Variants in ARL15 observed in about 807,000 individuals in gnomAD.
ARL15 encodes ADP-ribosylation factor-like protein 15.
Under a neutral mutation model 25.2 loss-of-function variants are expected in ARL15, and 19 were observed. The ratio of observed to expected loss-of-function variants is 0.75; its 90% CI spans 0.53 to 1.10. The LOEUF is 1.10. Ranked by LOEUF, ARL15 falls within the 50% of genes least tolerant of loss-of-function variation. ARL15 has a pLI of 0.00. For synonymous variants in ARL15, 94 were observed against 86.8 expected (o/e 1.08, Z -0.46); for missense variants, 220 against 246.0 (o/e 0.89, Z 0.71).
chr5:54,013,920 T>G (rs1749324279), intron 4 of ARL15, among the ~76,000 whole-genome samples: 1 of 149,152 alleles, frequency 6.7e-6, no homozygotes, highest in Admixed American at 6.7e-5. Flanking sequence ...ATAACTCCCA[T>G]CCTTCCACTA....
intron 1 of ARL15, among the ~76,000 whole-genome samples, chr5:54,219,231 T>C (rs980247853): frequency 6.6e-6 from 1 of 152,188 alleles, no homozygotes; most frequent in African/African-American, 2.4e-5. Flanking sequence ...GCTGTCACAG[T>C]CTCACATGAG....
chr5:53,930,267 G>A (rs1746158385), intron 4 of ARL15, among the ~76,000 whole-genome samples: 1 of 152,080 alleles, frequency 6.6e-6, no homozygotes, highest in African/African-American at 2.4e-5. Flanking sequence ...TCTCTTAAAT[G>A]TTACCTAAAG....
intron 4 of ARL15, among the ~76,000 whole-genome samples, chr5:54,022,555 G>A (rs1371961113): frequency 6.6e-6 from 1 of 152,120 alleles, no homozygotes; most frequent in Non-Finnish European, 1.5e-5. Context: ...ATTGCTAGCT[G>A]AGAGACTTTA....
At chr5:53,959,282 T>C (rs1747281156) in intron 4 of ARL15, among the ~76,000 whole-genome samples, 1 of 152,198 alleles carries the variant, frequency 6.6e-6, no homozygotes, top group Non-Finnish European at 1.5e-5. Flanking sequence ...TAATAAAAGA[T>C]GCACTGTTAA....
intron 4 of ARL15, among the ~76,000 whole-genome samples, chr5:53,983,689 T>C (rs186942116): frequency 6.6e-6 from 1 of 152,252 alleles, no homozygotes; most frequent in African/African-American, 2.4e-5. Flanking sequence ...CCCCTTTTAA[T>C]GAGATATCTG....
intron 1 of ARL15, among the ~76,000 whole-genome samples, chr5:54,181,228 T>TA (rs1755046631): frequency 1.3e-5 from 2 of 152,266 alleles, no homozygotes; most frequent in Middle Eastern, 3.4e-3. Context: ...ATGTTTCTTT[T>TA]AAAAAAATCT....
At chr5:53,922,233 A>G (rs1745878265) in intron 4 of ARL15, among the ~76,000 whole-genome samples, 1 of 152,134 alleles carries the variant, frequency 6.6e-6, no homozygotes, top group African/African-American at 2.4e-5. Context: ...GTCTACATTC[A>G]GTTCCGTTTA....
chr5:54,222,677 T>G (rs1433186749), intron 1 of ARL15, among the ~76,000 whole-genome samples: 1 of 152,198 alleles, frequency 6.6e-6, no homozygotes, highest in Non-Finnish European at 1.5e-5. Context: ...ACTCTCGGGT[T>G]CTCTTGATCT....
intron 4 of ARL15, among the ~76,000 whole-genome samples, chr5:54,033,498 T>C (rs1431034786): frequency 1.3e-5 from 2 of 150,432 alleles, no homozygotes; most frequent in Admixed American, 6.6e-5. Flanking sequence ...TGAAACCCCA[T>C]CTCTACTAAA....
chr5:53,999,298 T>C (rs1407625171), intron 4 of ARL15, among the ~76,000 whole-genome samples: 1 of 152,108 alleles, frequency 6.6e-6, no homozygotes, highest in Non-Finnish European at 1.5e-5. Flanking sequence ...TGTTCAAAAA[T>C]AAGTGGAAGG....
At chr5:54,109,584 A>AAC (rs1270849410) in intron 4 of ARL15, among the ~76,000 whole-genome samples, 2 of 152,004 alleles carry the variant, frequency 1.3e-5, no homozygotes, top group East Asian at 3.8e-4. Context: ...CTCCTGATCT[A>AAC]TTAAATAACT....
chr5:54,035,740 CCGATA>C lies in ARL15; in HGVS notation c.462+77457_462+77461del, dbSNP rs1343578746. Among the ~76,000 whole-genome samples, 5 of 152,262 alleles carry C rather than the reference CCGATA, an allele frequency of 3.3e-5. No individual in the cohort carries two copies. The East Asian group carries it at 9.6e-4, about 29-fold the overall frequency. On this transcript the variant is annotated intron_variant, in intron 4 of 4. Coordinates refer to ENST00000504924, the MANE Select transcript of ARL15 (RefSeq NM_019087.3). The stretch of plus-strand genomic sequence containing the variant: ...TCTATTTCCAATACAGAGTCTATTT[CCGATA>C]CATTTTTTGTTTTAATAGAGTCATA...
intron 1 of ARL15, among the ~76,000 whole-genome samples, chr5:54,232,625 G>A (rs1756702385): frequency 6.6e-6 from 1 of 152,100 alleles, no homozygotes; most frequent in Non-Finnish European, 1.5e-5. Context: ...GGAAGGGCAG[G>A]GGTGCTTAAT....
At chr5:54,034,639 A>G (rs1398407951) in intron 4 of ARL15, among the ~76,000 whole-genome samples, 2 of 152,088 alleles carry the variant, frequency 1.3e-5, no homozygotes, top group Non-Finnish European at 2.9e-5. Flanking sequence ...AACATCAACT[A>G]ATAAAGAAAT....
intron 1 of ARL15, among the ~76,000 whole-genome samples, chr5:54,187,253 C>T (rs1236413476): frequency 6.6e-6 from 1 of 152,152 alleles, no homozygotes; most frequent in African/African-American, 2.4e-5. Flanking sequence ...TCTAACCAGC[C>T]AAACCTTGCT....
intron 4 of ARL15, among the ~76,000 whole-genome samples, chr5:53,954,487 C>T (rs1216486669): frequency 6.6e-6 from 1 of 152,128 alleles, no homozygotes; most frequent in African/African-American, 2.4e-5. Flanking sequence ...ATCACCTGTC[C>T]ACTCCTTGAA....
intron 4 of ARL15, among the ~76,000 whole-genome samples, chr5:54,056,359 C>T (rs112031482): frequency 5.9e-5 from 9 of 152,194 alleles, no homozygotes; most frequent in African/African-American, 2.2e-4. Context: ...AGGCCAGGTG[C>T]AGTGGCTCGC....
intron 4 of ARL15, among the ~76,000 whole-genome samples, chr5:54,076,990 G>C (rs1025210218): frequency 3.3e-5 from 5 of 152,148 alleles, no homozygotes; most frequent in African/African-American, 9.7e-5. Flanking sequence ...CTTCCCTTAT[G>C]AGAACATCTT....
chr5:53,921,742 A>G (rs1017758022), intron 4 of ARL15, among the ~76,000 whole-genome samples: 4 of 152,192 alleles, frequency 2.6e-5, no homozygotes, highest in African/African-American at 9.6e-5. Context: ...ACTGCACTCC[A>G]GCCTGGGTGA....
Sources: allele counts gnomAD v4.1 joint callset (sites outside exome capture counted in the v4.1 genomes callset), GRCh38; gene constraint gnomAD v4.1.1; transcripts MANE v1.5; gene names NCBI Gene and HGNC (gene_info 2026-07-23, HGNC 2026-07-21).